Variants in EPB41L1 observed in about 807,000 individuals in gnomAD.
The protein encoded by EPB41L1 is erythrocyte membrane protein band 4.1 like 1, also known as band 4.1-like protein 1.
In EPB41L1, 29 loss-of-function variants were observed where a neutral mutation model predicts 97.8. The observed-to-expected ratio is 0.30, with a 90% CI of 0.22 to 0.40. The LOEUF is 0.40. Ranked by LOEUF, EPB41L1 falls within the 10% of genes least tolerant of loss-of-function variation. The pLI is 1.00. For missense variants in EPB41L1, 812 were observed against 1,162.3 expected (o/e 0.70, Z 4.38); for synonymous variants, 383 against 459.2 (o/e 0.83, Z 2.12).
rs147182704 is a variant in EPB41L1 at position 36,202,363 on chromosome 20, C to T, written c.1668+4322C>T. On this transcript the variant is annotated intron_variant, in intron 14 of 21. Coordinates refer to ENST00000338074, the MANE Select transcript of EPB41L1 (RefSeq NM_012156.2). ...CATTCTGCCCGCTGGTGCCCGCTAC[C>T]GCTCTGCATCCTCCTCCAGGCCAGC... Among the ~76,000 whole-genome samples, 522 of 152,328 alleles carry T rather than the reference C, an allele frequency of 3.4e-3. 4 individuals are homozygous for T. The highest frequency in any genetic ancestry group is 5.8e-3 in the Non-Finnish European group (395 of 68,032).
At chr20:36,158,748 C>G (rs2060414363) in intron 1 of EPB41L1, among the ~76,000 whole-genome samples, 1 of 152,194 alleles carries the variant, frequency 6.6e-6, no homozygotes, top group East Asian at 1.9e-4. Flanking sequence ...ACATGCCTGT[C>G]TCACAGGGAC....
intron 11 of EPB41L1, among the ~76,000 whole-genome samples, chr20:36,193,543 T>C (rs1463849043): frequency 6.6e-6 from 1 of 152,244 alleles, no homozygotes; most frequent in East Asian, 1.9e-4. Context: ...CAATGCGTGA[T>C]GCGAAGTCTA....
chr20:36,146,012 C>A (rs1160238764), intron 2 of EPB41L1, among the ~76,000 whole-genome samples: 1 of 152,214 alleles, frequency 6.6e-6, no homozygotes, highest in Non-Finnish European at 1.5e-5. Flanking sequence ...TTCTGCCCTG[C>A]CTTTAATGCC....
intron 14 of EPB41L1, among the ~76,000 whole-genome samples, chr20:36,202,810 C>CA (rs35492694): frequency 0.046 from 2,098 of 45,420 alleles, 31 homozygotes; most frequent in African/African-American, 0.079. Context: ...AACTCCGTCT[C>CA]AAAAAAAAAA....
chr20:36,095,454 T>C (rs932281807), intron 1 of EPB41L1, among the ~76,000 whole-genome samples: 7 of 152,218 alleles, frequency 4.6e-5, no homozygotes, highest in African/African-American at 1.4e-4. Context: ...TGTTTATCTC[T>C]TCACCCAACA....
chr20:36,195,353 C>A lies in EPB41L1; in HGVS notation c.1474C>A (p.His492Asn). The change falls in exon 13 of 22, where the codon CAC becomes AAC. Residue 492 changes from histidine to asparagine, a missense_variant. Physicochemically the swap from His to Asn is moderately conservative, Grantham distance 68 (BLOSUM62 1). Transcript: ENST00000338074. This position sits in a 1 kb window ranked among gnomAD's most constrained non-coding sequence, Gnocchi z 4.6. ...LKPEQETTPR[H>N]KQEFLDKPED... ...GCCGGAGCAGGAAACCACGCCGAGACACAAGCAGGAGGTACTGCATGGGAC... is the reference window on the plus strand; with the variant it reads ...GCCGGAGCAGGAAACCACGCCGAGAAACAAGCAGGAGGTACTGCATGGGAC... The A allele has an allele frequency of 6.2e-7, 1 of 1,614,078 alleles. No homozygotes were observed. Among genetic ancestry groups the A allele is most frequent in the Non-Finnish European group, 8.5e-7 (1 of 1,180,004 alleles).
At chr20:36,108,311 G>A (rs546899292) in intron 1 of EPB41L1, among the ~76,000 whole-genome samples, 1 of 152,108 alleles carries the variant, frequency 6.6e-6, no homozygotes, top group South Asian at 2.1e-4. Flanking sequence ...TACATGTTGA[G>A]ATAGATATAT....
At chr20:36,222,008 G>T in intron 20 of EPB41L1, 64 bp downstream of exon 20, 1 of 1,543,106 alleles carries the variant, frequency 6.5e-7, no homozygotes, top group Non-Finnish European at 9.0e-7. Context: ...CCTATGTTGG[G>T]TTACCCATGG....
At chr20:36,133,648 C>T (rs1254722910) in intron 2 of EPB41L1, among the ~76,000 whole-genome samples, 2 of 152,122 alleles carry the variant, frequency 1.3e-5, no homozygotes, top group African/African-American at 2.4e-5. Flanking sequence ...CTTGAGCTCA[C>T]GAGTTTGAGA....
intron 1 of EPB41L1, among the ~76,000 whole-genome samples, chr20:36,096,013 G>T (rs898601948): frequency 6.6e-6 from 1 of 151,112 alleles, no homozygotes; most frequent in Non-Finnish European, 1.5e-5. Context: ...GTGACAGAGC[G>T]AGACTCCATC....
Position 36,212,860 on chromosome 20 carries a change from A to C in EPB41L1, c.2184+484A>C, listed in dbSNP as rs954388105. Reference sequence around the variant, plus strand: ...TCCACATCAGATCAGTAAAATGAACAAAGTGAAAGAAGAAAACCGAAGATC... The same window carrying C: ...TCCACATCAGATCAGTAAAATGAACCAAGTGAAAGAAGAAAACCGAAGATC... On this transcript the variant is annotated intron_variant, in intron 16 of 21. Coordinates refer to ENST00000338074, the MANE Select transcript of EPB41L1 (RefSeq NM_012156.2). The surrounding 1 kb of genome is among the most constrained non-coding windows in gnomAD (Gnocchi z 4.8). 3.9e-5 allele frequency among the ~76,000 whole-genome samples: 6 copies of C among 152,246 alleles called. No individual in the cohort carries two copies. Among genetic ancestry groups the C allele is most frequent in the African/African-American group, 1.4e-4 (6 of 41,470 alleles).
In EPB41L1 at chr20:36,194,207, T is replaced by C. The variant is rs371241099; in HGVS notation, c.1301-5T>C. 1.7e-4 allele frequency: 280 copies of C among 1,613,352 alleles called. No individual in the cohort carries two copies. Among genetic ancestry groups the C allele is most frequent in the Middle Eastern group, 3.7e-4 (2 of 5,462 alleles). On this transcript the variant is annotated splice_polypyrimidine_tract_variant and splice_region_variant and intron_variant, in intron 11 of 21. Transcript: ENST00000338074. ...TGGTTGCCTGGCTATCTCCACCCAC[T>C]TCAGCAGAGTTCTCCCGCCCAGCCT...
At chr20:36,220,558 AGAGT>A (rs1452647908) in intron 19 of EPB41L1, among the ~76,000 whole-genome samples, 1 of 152,180 alleles carries the variant, frequency 6.6e-6, no homozygotes, top group Non-Finnish European at 1.5e-5. Flanking sequence ...TTTAGATTGG[AGAGT>A]AACCCAGTGA....
intron 21 of EPB41L1, among the ~76,000 whole-genome samples, chr20:36,223,563 G>C (rs2063915564): frequency 1.3e-5 from 2 of 152,096 alleles, no homozygotes; most frequent in South Asian, 4.1e-4. Context: ...ACATTGAGTT[G>C]GATAAAATAA....
Position 36,185,201 on chromosome 20 carries a change from C to A in EPB41L1, c.651C>A (p.Ser217=), listed in dbSNP as rs1320192412. Residue 217 remains serine (S), a synonymous_variant, in exon 7 of 22, where the codon TCC becomes TCA. Coordinates refer to ENST00000338074, the MANE Select transcript of EPB41L1 (RefSeq NM_012156.2). ...TTGTCACGCATGCCCTACTGGGCTC[C>A]TACGCTGTGCAGGCTGAGCTGGGTG... The part of the protein sequence containing the change: ...CSFVTHALLG[S]YAVQAELGDY... The A allele has an allele frequency of 1.2e-6, 2 of 1,613,738 alleles. No individual in the cohort carries two copies. The highest frequency in any genetic ancestry group is 3.3e-5 in the Admixed American group (2 of 60,030).
chr20:36,182,498 G>A (rs1213109671), intron 6 of EPB41L1, 151 bp downstream of exon 6: 7 of 823,926 alleles, frequency 8.5e-6, no homozygotes, highest in Non-Finnish European at 1.4e-5. Flanking sequence ...ACAGGAAGCC[G>A]ACTCATTGTA....
chr20:36,153,086 C>A (rs1295941862), upstream of EPB41L1: 1 of 456,642 alleles, frequency 2.2e-6, no homozygotes, highest in Non-Finnish European at 4.4e-6. Context: ...TCTAAAGACA[C>A]CTGATGAAGG....
At chr20:36,178,712 G>A in intron 5 of EPB41L1, 40 bp downstream of exon 5, 1 of 1,608,108 alleles carries the variant, frequency 6.2e-7, no homozygotes, top group Non-Finnish European at 8.5e-7. Flanking sequence ...GGTGGGTGAG[G>A]GGATTCCAGG....
intron 14 of EPB41L1, among the ~76,000 whole-genome samples, chr20:36,199,504 G>A (rs1276529008): frequency 6.6e-6 from 1 of 152,220 alleles, no homozygotes; most frequent in Non-Finnish European, 1.5e-5. Flanking sequence ...CCAGATAACA[G>A]ACGGCTTTGT....
Sources: gnomAD v4.1 joint callset for allele counts (sites outside exome capture counted in the v4.1 genomes callset) on GRCh38, gnomAD v4.1.1 for gene constraint, Gnocchi (gnomAD v3.1) non-coding constraint, MANE v1.5 for transcripts, NCBI Gene and HGNC (gene_info 2026-07-23, HGNC 2026-07-21) for gene names.